ANO3: variants seen among roughly 807,000 people sequenced by gnomAD.
ANO3 encodes anoctamin-3.
Under a neutral mutation model 144.8 loss-of-function variants are expected in ANO3, and 99 were observed. That is an observed-to-expected ratio of 0.68 (90% CI 0.58 to 0.81). The LOEUF is 0.81. ANO3 is among the 30% of genes least tolerant of loss of function. ANO3 has a pLI of 0.00. For missense variants in ANO3, 905 were observed against 1,202.2 expected (o/e 0.75, Z 3.66); for synonymous variants, 414 against 392.6 (o/e 1.05, Z -0.64).
intron 1 of ANO3, among the ~76,000 whole-genome samples, chr11:26,214,045 G>A (rs951997085): frequency 6.6e-6 from 1 of 151,890 alleles, no homozygotes; most frequent in African/African-American, 2.4e-5. Context: ...TAATAAAAGA[G>A]ACTTTTGAAA....
intron 3 of ANO3, 78 bp downstream of exon 3, chr11:26,443,914 A>ATT: frequency 3.3e-5 from 29 of 866,776 alleles, no homozygotes; most frequent in South Asian, 1.1e-4. Flanking sequence ...AAAAACTAGC[A>ATT]TTTTTTTTTT....
intron 6 of ANO3, among the ~76,000 whole-genome samples, chr11:26,518,454 A>G (rs1211172823): frequency 6.6e-6 from 1 of 152,068 alleles, no homozygotes; most frequent in Non-Finnish European, 1.5e-5. Context: ...TAGCATAGAT[A>G]TGGTTAATAA....
intron 3 of ANO3, among the ~76,000 whole-genome samples, chr11:26,445,627 A>C (rs1400079054): frequency 1.3e-5 from 2 of 152,092 alleles, no homozygotes. Flanking sequence ...TATTCAAGTT[A>C]GAAAGACATC....
chr11:26,243,549 G>A (rs1189672384), intron 1 of ANO3, among the ~76,000 whole-genome samples: 1 of 152,056 alleles, frequency 6.6e-6, no homozygotes, highest in African/African-American at 2.4e-5. Context: ...TTATTTGGTT[G>A]ACTAAGGTTG....
intron 2 of ANO3, 92 bp downstream of exon 2, chr11:26,442,204 T>C: frequency 7.9e-7 from 1 of 1,260,678 alleles, no homozygotes; most frequent in East Asian, 2.3e-5. Flanking sequence ...GGACCAGTTT[T>C]ATAGAGCTCT....
chr11:26,382,433 C>A (rs1856614902), intron 1 of ANO3, among the ~76,000 whole-genome samples: 1 of 152,144 alleles, frequency 6.6e-6, no homozygotes, highest in African/African-American at 2.4e-5. Flanking sequence ...CCTGGCTCGT[C>A]TGCTCTTAAT....
intron 21 of ANO3, among the ~76,000 whole-genome samples, chr11:26,641,565 T>C (rs1565160323): frequency 6.6e-6 from 1 of 152,122 alleles, no homozygotes; most frequent in Non-Finnish European, 1.5e-5. Context: ...TGAATATTTG[T>C]TTAATCAATG....
Position 26,333,160 on chromosome 11 carries a change from T to C in ANO3, c.46+839T>C, listed in dbSNP as rs9943537. On this transcript the variant is annotated intron_variant, in intron 1 of 26. Transcript: ENST00000256737. ...AGTTAACCATAGAGTGCCTTAGATGTGTGAATTCTGGAATGCTGAATTTGT... is the reference window on the plus strand; with the variant it reads ...AGTTAACCATAGAGTGCCTTAGATGCGTGAATTCTGGAATGCTGAATTTGT... Among the ~76,000 whole-genome samples, 396 of 152,322 alleles carry C rather than the reference T, an allele frequency of 2.6e-3. 1 individual carries two copies. Among genetic ancestry groups the C allele is most frequent in the African/African-American group, 9.2e-3 (383 of 41,576 alleles).
intron 4 of ANO3, among the ~76,000 whole-genome samples, chr11:26,505,502 A>G (rs1469858607): frequency 6.6e-6 from 1 of 152,168 alleles, no homozygotes; most frequent in African/African-American, 2.4e-5. Context: ...AGGAGGGAGT[A>G]TATAGGGGGA....
At chr11:26,503,989 C>G (rs548201609) in intron 4 of ANO3, among the ~76,000 whole-genome samples, 3 of 152,086 alleles carry the variant, frequency 2.0e-5, no homozygotes, top group Non-Finnish European at 4.4e-5. Context: ...AATATGTTAC[C>G]AATGCTATGA....
rs915887186 is a variant in ANO3, at chr11:26,661,301, C to A, written c.*857C>A. On this transcript the variant is annotated 3_prime_UTR_variant, in exon 27 of 27. Transcript: ENST00000256737. ...TGTTTTATAGTTTATTTAATTTTTTCTCTATGATTTATTACAACTCTCACG... is the reference window on the plus strand; with the variant it reads ...TGTTTTATAGTTTATTTAATTTTTTATCTATGATTTATTACAACTCTCACG... The A allele has an allele frequency of 3.9e-5, 6 of 152,488 alleles. No individual in the cohort carries two copies. Among genetic ancestry groups the A allele is most frequent in the Non-Finnish European group, 7.4e-5 (5 of 68,002 alleles). The allele number at this position is 152,488 out of a possible 1,614,324, so 9.4% of individuals were successfully genotyped here.
chr11:26,565,998 G>T, intron 14 of ANO3: 1 of 1,168,106 alleles, frequency 8.6e-7, no homozygotes, highest in African/African-American at 1.6e-5. Context: ...ACATAATATA[G>T]AGATGGTAAT....
intron 1 of ANO3, among the ~76,000 whole-genome samples, chr11:26,282,355 A>C (rs1314060570): frequency 6.8e-6 from 1 of 148,122 alleles, no homozygotes; most frequent in Admixed American, 6.7e-5. Context: ...GTCTGAATTT[A>C]TCTCTTATTG....
At chr11:26,305,017 T>TA (rs1449797647), upstream of ANO3, among the ~76,000 whole-genome samples, 101 of 151,536 alleles carry the variant, frequency 6.7e-4, no homozygotes, top group African/African-American at 6.5e-4. Flanking sequence ...TGCTTTTTTT[T>TA]AAAAAAAAGA....
At chr11:26,419,736 G>A (rs991161365) in intron 1 of ANO3, among the ~76,000 whole-genome samples, 3 of 152,034 alleles carry the variant, frequency 2.0e-5, no homozygotes, top group Non-Finnish European at 4.4e-5. Flanking sequence ...GTATTGTTAA[G>A]AGAACATATA....
chr11:26,286,923 T>C (rs1055045853), intron 1 of ANO3, among the ~76,000 whole-genome samples: 2 of 152,216 alleles, frequency 1.3e-5, no homozygotes, highest in African/African-American at 2.4e-5. Context: ...GTTTTCTTTA[T>C]TGAACTCTGG....
At chr11:26,223,174 A>T (rs1261929090) in intron 1 of ANO3, among the ~76,000 whole-genome samples, 1 of 152,136 alleles carries the variant, frequency 6.6e-6, no homozygotes, top group African/African-American at 2.4e-5. Context: ...CGTTAGAAGC[A>T]GCCATGCAAC....
intron 1 of ANO3, among the ~76,000 whole-genome samples, chr11:26,348,470 C>A (rs1459682033): frequency 1.3e-5 from 2 of 152,048 alleles, no homozygotes; most frequent in Non-Finnish European, 2.9e-5. Flanking sequence ...GGAACTCTTA[C>A]CATATTTTAC....
chr11:26,376,335 T>C (rs1456350862), intron 1 of ANO3, among the ~76,000 whole-genome samples: 1 of 151,960 alleles, frequency 6.6e-6, no homozygotes, highest in Non-Finnish European at 1.5e-5. Flanking sequence ...GATTAAACAC[T>C]TAAAAAAAAG....
Sources: gnomAD v4.1 joint callset for allele counts (sites outside exome capture counted in the v4.1 genomes callset) on GRCh38, gnomAD v4.1.1 for gene constraint, MANE v1.5 for transcripts, NCBI Gene and HGNC (gene_info 2026-07-23, HGNC 2026-07-21) for gene names.